Variants in FCHSD2 observed in about 807,000 individuals in gnomAD.
FCHSD2 encodes the protein F-BAR and double SH3 domains protein 2.
A neutral mutation model predicts 108.1 loss-of-function variants in FCHSD2; 38 were observed. The observed-to-expected ratio is 0.35, with a 90% CI of 0.27 to 0.46. The LOEUF (loss-of-function observed/expected upper bound fraction) is 0.46, where lower values mean the gene tolerates loss of function less well. FCHSD2 is among the 20% of genes least tolerant of loss of function. FCHSD2 has a pLI of 1.00. For missense variants in FCHSD2, 751 were observed against 897.8 expected (o/e 0.84, Z 2.09); for synonymous variants, 279 against 314.7 (o/e 0.89, Z 1.20).
chr11:73,005,442 T>G (rs770990094), intron 4 of FCHSD2, among the ~76,000 whole-genome samples: 2 of 152,102 alleles, frequency 1.3e-5, no homozygotes, highest in Non-Finnish European at 2.9e-5. Context: ...TCTTGAAATG[T>G]TTTCTTCACT....
At chr11:73,093,509 C>A (rs1860003953) in intron 2 of FCHSD2, among the ~76,000 whole-genome samples, 1 of 152,142 alleles carries the variant, frequency 6.6e-6, no homozygotes, top group Non-Finnish European at 1.5e-5. Context: ...CTTAGAAGAG[C>A]TGTAATGCAC....
intron 6 of FCHSD2, among the ~76,000 whole-genome samples, chr11:72,987,850 A>G (rs1231827510): frequency 6.6e-6 from 1 of 152,204 alleles, no homozygotes; most frequent in Non-Finnish European, 1.5e-5. Context: ...TGGACATCTA[A>G]TCTAAAAACT....
intron 8 of FCHSD2, among the ~76,000 whole-genome samples, chr11:72,945,164 A>G (rs1016357706): frequency 3.3e-5 from 5 of 152,238 alleles, no homozygotes; most frequent in South Asian, 2.1e-4. Context: ...ACAAGGCTAC[A>G]GTAACCAAAC....
chr11:73,093,905 G>A (rs1860016028), intron 2 of FCHSD2, among the ~76,000 whole-genome samples: 3 of 149,800 alleles, frequency 2.0e-5, no homozygotes, highest in African/African-American at 2.4e-5. Flanking sequence ...ACATCCAGCT[G>A]ATGAATGTTA....
At chr11:72,992,022 A>T (rs1857425394) in intron 5 of FCHSD2, among the ~76,000 whole-genome samples, 1 of 152,250 alleles carries the variant, frequency 6.6e-6, no homozygotes, top group Admixed American at 6.5e-5. Flanking sequence ...CCATCGTCTC[A>T]GCCCAAAATC....
chr11:72,866,855 G>A (rs1429434180), intron 13 of FCHSD2, among the ~76,000 whole-genome samples: 3 of 152,194 alleles, frequency 2.0e-5, no homozygotes, highest in African/African-American at 4.8e-5. Flanking sequence ...GATATCTGAA[G>A]AGCACAAGCA....
At chr11:72,867,809 G>C in intron 13 of FCHSD2, 56 bp downstream of exon 13, 1 of 1,519,532 alleles carries the variant, frequency 6.6e-7, no homozygotes, top group African/African-American at 1.4e-5. Flanking sequence ...TGACTACAGA[G>C]TCAAAGCATG....
At chr11:72,895,998 G>A (rs1343740351) in intron 10 of FCHSD2, among the ~76,000 whole-genome samples, 1 of 152,078 alleles carries the variant, frequency 6.6e-6, no homozygotes, top group African/African-American at 2.4e-5. Flanking sequence ...ACCCCATGTA[G>A]ACTTTTATAG....
intron 2 of FCHSD2, among the ~76,000 whole-genome samples, chr11:73,136,321 A>G (rs532131127): frequency 3.3e-5 from 5 of 152,278 alleles, no homozygotes; most frequent in African/African-American, 9.6e-5. Flanking sequence ...AGCTGGGCAC[A>G]GTGGCCTGAC....
chr11:72,863,778 G>T (rs1333260677), intron 13 of FCHSD2, among the ~76,000 whole-genome samples: 1 of 152,178 alleles, frequency 6.6e-6, no homozygotes, highest in Non-Finnish European at 1.5e-5. Flanking sequence ...AAATGACAAT[G>T]ATTTACAACA....
At chr11:72,851,501 G>A (rs528290418) in intron 13 of FCHSD2, among the ~76,000 whole-genome samples, 1 of 152,260 alleles carries the variant, frequency 6.6e-6, no homozygotes, top group South Asian at 2.1e-4. Flanking sequence ...AGCACTTTGG[G>A]AGGCCGAGGT....
At chr11:73,054,127 A>G (rs1479866806) in intron 3 of FCHSD2, among the ~76,000 whole-genome samples, 7 of 152,064 alleles carry the variant, frequency 4.6e-5, no homozygotes, top group African/African-American at 1.2e-4. Flanking sequence ...CCAATTGTCT[A>G]TGGCTGCTTA....
intron 10 of FCHSD2, among the ~76,000 whole-genome samples, chr11:72,892,907 A>AC (rs1565309336): frequency 1.9e-3 from 4 of 2,138 alleles, no homozygotes; most frequent in African/African-American, 3.3e-3. Context: ...CGTGGCTGGT[A>AC]ATTTTTTTTT....
chr11:73,120,161 C>T (rs1860697711), intron 2 of FCHSD2, among the ~76,000 whole-genome samples: 1 of 151,880 alleles, frequency 6.6e-6, no homozygotes, highest in African/African-American at 2.4e-5. Flanking sequence ...AGCTCCCTCC[C>T]ACAACACGTG....
chr11:72,914,303 G>A (rs184740279), intron 9 of FCHSD2, among the ~76,000 whole-genome samples: 1 of 152,110 alleles, frequency 6.6e-6, no homozygotes, highest in East Asian at 1.9e-4. Context: ...GTGTGAGTCA[G>A]GTGCCCAGCC....
chr11:72,963,347 T>G (rs188616081), intron 8 of FCHSD2, among the ~76,000 whole-genome samples: 8 of 152,330 alleles, frequency 5.3e-5, no homozygotes, highest in Admixed American at 3.9e-4. Context: ...TCATTTAGAT[T>G]TCCTAAAGCA....
intron 4 of FCHSD2, among the ~76,000 whole-genome samples, chr11:73,007,845 C>A (rs1427839454): frequency 6.6e-6 from 1 of 152,108 alleles, no homozygotes; most frequent in African/African-American, 2.4e-5. Context: ...TGATATTGTA[C>A]TACAGTTATG....
At chr11:73,135,439 G>T (rs1861100484) in intron 2 of FCHSD2, among the ~76,000 whole-genome samples, 1 of 152,056 alleles carries the variant, frequency 6.6e-6, no homozygotes, top group Non-Finnish European at 1.5e-5. Flanking sequence ...CTCTAAGAAG[G>T]TAGTTCTTTA....
At position 72,860,129 on chromosome 11, in the gene FCHSD2, G is replaced by A. The variant is rs140386400; in HGVS notation, c.1308+7736C>T. Among the ~76,000 whole-genome samples, 1,110 of 152,270 alleles carry A rather than the reference G, an allele frequency of 7.3e-3. 9 individuals carry two copies. Among genetic ancestry groups the A allele is most frequent in the Middle Eastern group, 0.027 (8 of 294 alleles). On this transcript the variant is annotated intron_variant, in intron 13 of 19. Transcript: ENST00000409418. The stretch of plus-strand genomic sequence containing the variant: ...TATGCTTCTCTGAGAATCTAATGCT[G>A]CCTGCTGGTCTGACAGGACGCAGAG...
Sources: allele counts gnomAD v4.1 joint callset (sites outside exome capture counted in the v4.1 genomes callset), GRCh38; gene constraint gnomAD v4.1.1; transcripts MANE v1.5; gene names NCBI Gene and HGNC (gene_info 2026-07-23, HGNC 2026-07-21).